NAV3: variants seen among roughly 807,000 people sequenced by gnomAD.
NAV3 encodes the protein neuron navigator 3.
Under a neutral mutation model 244.7 loss-of-function variants are expected in NAV3, and 87 were observed. That is an observed-to-expected ratio of 0.36 (90% confidence interval 0.30 to 0.42). The LOEUF (loss-of-function observed/expected upper bound fraction) is 0.42, where lower values mean the gene tolerates loss of function less well. NAV3 is among the 20% of genes least tolerant of loss of function. NAV3 has a pLI of 1.00. For missense variants in NAV3, 2,663 were observed against 2,893.3 expected (o/e 0.92, Z 1.83); for synonymous variants, 1,126 against 1,042.2 (o/e 1.08, Z -1.55).
intron 2 of NAV3, among the ~76,000 whole-genome samples, chr12:77,620,151 C>A (rs1871311228): frequency 6.6e-6 from 1 of 152,040 alleles, no homozygotes; most frequent in African/African-American, 2.4e-5. Flanking sequence ...CAGCTTTTAC[C>A]TCCTCCTGTC....
At chr12:78,013,354 G>A (rs1186415099) in intron 8 of NAV3, among the ~76,000 whole-genome samples, 2 of 152,000 alleles carry the variant, frequency 1.3e-5, no homozygotes, top group African/African-American at 2.4e-5. Context: ...GTTATACTGA[G>A]GCTTCAAAAA....
At chr12:77,954,265 T>C (rs796955831) in intron 3 of NAV3, among the ~76,000 whole-genome samples, 2 of 152,306 alleles carry the variant, frequency 1.3e-5, no homozygotes, top group African/African-American at 4.8e-5. Flanking sequence ...AACCATATAT[T>C]TATTGAGCCC....
chr12:78,126,191 C>A (rs549870412), intron 16 of NAV3, among the ~76,000 whole-genome samples: 10 of 152,214 alleles, frequency 6.6e-5, no homozygotes, highest in Middle Eastern at 3.4e-3. Context: ...GATTTCAGTG[C>A]TAAATAATGG....
At chr12:77,724,507 C>T (rs914124685) in intron 2 of NAV3, among the ~76,000 whole-genome samples, 5 of 151,782 alleles carry the variant, frequency 3.3e-5, no homozygotes, top group African/African-American at 4.8e-5. Context: ...ATAATATTTG[C>T]GATATCCTTC....
At chr12:77,822,970 T>C (rs1484870106) in intron 2 of NAV3, among the ~76,000 whole-genome samples, 2 of 152,174 alleles carry the variant, frequency 1.3e-5, no homozygotes, top group African/African-American at 4.8e-5. Flanking sequence ...CATATTTACT[T>C]CCCTCCACCT....
chr12:77,818,107 T>C (rs1424624901), intron 2 of NAV3, among the ~76,000 whole-genome samples: 2 of 152,140 alleles, frequency 1.3e-5, no homozygotes, highest in Non-Finnish European at 2.9e-5. Context: ...GGAAAGGATT[T>C]CTTCCTGATG....
At chr12:77,730,360 G>A (rs1416938401) in intron 2 of NAV3, among the ~76,000 whole-genome samples, 1 of 151,662 alleles carries the variant, frequency 6.6e-6, no homozygotes, top group African/African-American at 2.4e-5. Flanking sequence ...TGAACAAAAA[G>A]ATTTTTAGAA....
At chr12:77,931,912 TTG>T (rs10618242) in intron 1 of NAV3, among the ~76,000 whole-genome samples, 128,832 of 150,610 alleles carry the variant, frequency 0.86, 55,246 homozygotes, top group East Asian at 0.98. Context: ...GCGTGTGTGT[TTG>T]TGTGTGTGTG....
At chr12:77,817,789 G>GA (rs1327382693) in intron 2 of NAV3, among the ~76,000 whole-genome samples, 1 of 152,064 alleles carries the variant, frequency 6.6e-6, no homozygotes, top group African/African-American at 2.4e-5. Context: ...AGCTGTTGGG[G>GA]AAAAATCCCC....
At chr12:78,090,708 A>G (rs1953880283) in intron 12 of NAV3, among the ~76,000 whole-genome samples, 1 of 152,142 alleles carries the variant, frequency 6.6e-6, no homozygotes, top group Non-Finnish European at 1.5e-5. Context: ...AAAAACTGTT[A>G]CGGTTGACAC....
chr12:78,068,842 T>C (rs1001184856), intron 12 of NAV3, among the ~76,000 whole-genome samples: 5 of 151,726 alleles, frequency 3.3e-5, no homozygotes, highest in African/African-American at 7.2e-5. Context: ...GGAATTTTGG[T>C]CCTTTTATAT....
At chr12:78,077,936 C>T (rs981935077) in intron 12 of NAV3, among the ~76,000 whole-genome samples, 1 of 152,078 alleles carries the variant, frequency 6.6e-6, no homozygotes, top group African/African-American at 2.4e-5. Flanking sequence ...CAAAACTCTG[C>T]CTCAAAAACA....
intron 9 of NAV3, among the ~76,000 whole-genome samples, chr12:78,026,529 T>C (rs182180359): frequency 3.7e-4 from 57 of 152,292 alleles, no homozygotes; most frequent in Admixed American, 2.7e-3. Context: ...AAGTATTGTT[T>C]TCTATTTGTA....
chr12:78,124,286 G>A (rs889431033), intron 16 of NAV3, among the ~76,000 whole-genome samples: 1 of 152,162 alleles, frequency 6.6e-6, no homozygotes, highest in Non-Finnish European at 1.5e-5. Flanking sequence ...TAACCAAAAT[G>A]CAGTTTTAAT....
intron 2 of NAV3, among the ~76,000 whole-genome samples, chr12:77,811,502 G>T (rs1872285935): frequency 6.6e-6 from 1 of 152,120 alleles, no homozygotes; most frequent in South Asian, 2.1e-4. Context: ...TTTCAAGTTT[G>T]ATACTAGGCC....
rs117601401 is a variant in NAV3 at position 77,807,078 on chromosome 12, C to T, written c.73-133241C>T. 3.3e-5 allele frequency among the ~76,000 whole-genome samples: 5 copies of T among 152,284 alleles called. No individual in the cohort carries two copies. In the East Asian group the frequency reaches 7.7e-4, roughly 23 times the overall value. ...TTTTGAGCCTATGTGTGTCTTTGCACATGAGGTGGCTCTCCTGAATATAGC... is the reference window on the plus strand; with the variant it reads ...TTTTGAGCCTATGTGTGTCTTTGCATATGAGGTGGCTCTCCTGAATATAGC... On this transcript the variant is annotated intron_variant, in intron 2 of 8. Coordinates refer to the NAV3 transcript ENST00000550042.
At chr12:77,729,906 A>G (rs1225654892) in intron 2 of NAV3, among the ~76,000 whole-genome samples, 1 of 152,052 alleles carries the variant, frequency 6.6e-6, no homozygotes, top group African/African-American at 2.4e-5. Context: ...TTTACCCAGG[A>G]TGCTATATCC....
chr12:78,049,960 A>G (rs753710907), intron 9 of NAV3, 33 bp from the exon 10 acceptor site: 31 of 1,496,034 alleles, frequency 2.1e-5, no homozygotes, highest in Non-Finnish European at 2.9e-5. Context: ...ACTAAATGTC[A>G]TGAATAGCAA....
At chr12:78,171,823 G>T (rs79315733) in intron 24 of NAV3, among the ~76,000 whole-genome samples, 7,389 of 151,476 alleles carry the variant, frequency 0.049, 194 homozygotes, top group Non-Finnish European at 0.071. Context: ...GATCTTAAAA[G>T]ATATATTTGG....
Sources: allele counts gnomAD v4.1 joint callset (sites outside exome capture counted in the v4.1 genomes callset), GRCh38; gene constraint gnomAD v4.1.1; transcripts MANE v1.5; gene names NCBI Gene and HGNC (gene_info 2026-07-23, HGNC 2026-07-21).